PITPNC1: variants seen among roughly 807,000 people sequenced by gnomAD.
PITPNC1 encodes cytoplasmic phosphatidylinositol transfer protein 1.
Under a neutral mutation model 44.7 loss-of-function variants are expected in PITPNC1, and 18 were observed. That is an observed-to-expected ratio of 0.40 (90% CI 0.28 to 0.60). The LOEUF (loss-of-function observed/expected upper bound fraction) is 0.60. Ranked by LOEUF, PITPNC1 falls within the 20% of genes least tolerant of loss-of-function variation. PITPNC1 has a pLI of 0.39. For missense variants in PITPNC1, 290 were observed against 418.4 expected, an observed-to-expected ratio of 0.69 and a Z score of 2.68; for synonymous variants, 141 against 149.6, an observed-to-expected ratio of 0.94 and a Z score of 0.42.
rs114351610 is a variant in PITPNC1, at chr17:67,685,473, G to A, written c.683-7099G>A. Among the ~76,000 whole-genome samples the A allele has an allele frequency of 2.8e-3, 423 of 152,310 alleles. 3 individuals are homozygous for A. The highest frequency in any genetic ancestry group is 9.6e-3 in the African/African-American group (399 of 41,558). On this transcript the variant is annotated intron_variant, in intron 8 of 8. Transcript: ENST00000581322. ...TTTGGAAATGAAGAGGATCTCACAT[G>A]ACACATGGATTGATATAAAAAGACA...
intron 5 of PITPNC1, chr17:67,613,052 C>T (rs1475379633): frequency 6.6e-6 from 1 of 152,238 alleles, no homozygotes; most frequent in Non-Finnish European, 1.5e-5. Flanking sequence ...AAAAAATTAG[C>T]TGGGAGTGGT....
chr17:67,570,442 G>A (rs933707834), intron 4 of PITPNC1, among the ~76,000 whole-genome samples: 3 of 152,314 alleles, frequency 2.0e-5, no homozygotes, highest in South Asian at 4.1e-4. Context: ...AAGCCATCAG[G>A]TGTCCTGTGG....
At chr17:67,622,263 A>AG (rs1413276227) in intron 5 of PITPNC1, among the ~76,000 whole-genome samples, 4 of 151,204 alleles carry the variant, frequency 2.6e-5, no homozygotes, top group South Asian at 4.2e-4. Context: ...TCTCAAAAAA[A>AG]AAAAAAAAAA....
chr17:67,447,155 T>C (rs1197545897), intron 1 of PITPNC1, among the ~76,000 whole-genome samples: 1 of 148,506 alleles, frequency 6.7e-6, no homozygotes, highest in East Asian at 2.0e-4. Context: ...GTGTTTGGAC[T>C]TCCAAGCTAA....
At chr17:67,563,496 A>G (rs2040932979) in intron 4 of PITPNC1, among the ~76,000 whole-genome samples, 1 of 152,190 alleles carries the variant, frequency 6.6e-6, no homozygotes, top group Admixed American at 6.5e-5. Context: ...GACATGGAAG[A>G]ATTTGGGCTG....
chr17:67,633,599 A>C (rs1404283546), intron 6 of PITPNC1, among the ~76,000 whole-genome samples: 3 of 152,336 alleles, frequency 2.0e-5, no homozygotes, highest in Admixed American at 6.5e-5. Flanking sequence ...AACCACACCT[A>C]TGCATTTTAA....
chr17:67,422,281 G>A (rs2038681864), intron 1 of PITPNC1, among the ~76,000 whole-genome samples: 1 of 152,224 alleles, frequency 6.6e-6, no homozygotes, highest in Non-Finnish European at 1.5e-5. Context: ...AGTTGGAGGT[G>A]AGTGGCATAT....
chr17:67,515,020 A>C (rs1179080231), intron 1 of PITPNC1, among the ~76,000 whole-genome samples: 1 of 152,182 alleles, frequency 6.6e-6, no homozygotes, highest in Non-Finnish European at 1.5e-5. Context: ...CTCCCAACTG[A>C]AAACTCATTG....
intron 1 of PITPNC1, among the ~76,000 whole-genome samples, chr17:67,437,207 A>C (rs2038950424): frequency 6.6e-6 from 1 of 152,076 alleles, no homozygotes; most frequent in Non-Finnish European, 1.5e-5. Context: ...GGTGTGAGCC[A>C]CTGCACCTAG....
At chr17:67,630,044 G>T (rs777582966) in intron 5 of PITPNC1, among the ~76,000 whole-genome samples, 2 of 152,194 alleles carry the variant, frequency 1.3e-5, no homozygotes, top group Non-Finnish European at 2.9e-5. Flanking sequence ...ATTTAGAAAG[G>T]ACTAATCGTT....
intron 5 of PITPNC1, among the ~76,000 whole-genome samples, chr17:67,592,138 T>C (rs937871334): frequency 4.6e-5 from 7 of 152,182 alleles, no homozygotes; most frequent in African/African-American, 1.7e-4. Context: ...ATTTACAAAT[T>C]ATCTTAAATA....
At chr17:67,675,195 T>C (rs2042580879) in intron 7 of PITPNC1, among the ~76,000 whole-genome samples, 2 of 152,296 alleles carry the variant, frequency 1.3e-5, no homozygotes, top group Admixed American at 6.5e-5. Context: ...GTATCACTGC[T>C]GTGTGACTGT....
intron 5 of PITPNC1, among the ~76,000 whole-genome samples, chr17:67,610,532 A>G (rs187677345): frequency 6.6e-6 from 1 of 152,244 alleles, no homozygotes; most frequent in South Asian, 2.1e-4. Flanking sequence ...GTGCCGGCAC[A>G]CATCAGCATT....
intron 1 of PITPNC1, among the ~76,000 whole-genome samples, chr17:67,381,730 G>A (rs1451441290): frequency 6.6e-6 from 1 of 152,104 alleles, no homozygotes; most frequent in Non-Finnish European, 1.5e-5. Context: ...CCTCCCAAAG[G>A]CGTGAGCCAC....
rs2042834409 is a variant in PITPNC1, at chr17:67,687,274, A to ACCTTCCATAGAAACATGTCGTCAC, written c.683-5295_683-5272dup. 4 of 725,512 alleles carry ACCTTCCATAGAAACATGTCGTCAC rather than the reference A, an allele frequency of 5.5e-6. No individual in the cohort carries two copies. The East Asian group carries it at 7.6e-5, about 14-fold the overall frequency. The allele number at this position is 725,512 out of a possible 1,614,324, so 44.9% of individuals were successfully genotyped here. A position where few individuals can be genotyped will look rare whatever the true frequency, so the allele number is the denominator to read the frequency against. ...AAATACTGCAGATGCCCGGTTCGCAACCTTCCATAGAAACATGTCGTCACC... is the reference window on the plus strand; with the variant it reads ...AAATACTGCAGATGCCCGGTTCGCAACCTTCCATAGAAACATGTCGTCACCCTTCCATAGAAACATGTCGTCACC... On this transcript the variant is annotated intron_variant, in intron 8 of 8. Transcript: ENST00000581322.
intron 1 of PITPNC1, among the ~76,000 whole-genome samples, chr17:67,484,163 C>G (rs2144032485): frequency 6.6e-6 from 1 of 152,246 alleles, no homozygotes; most frequent in South Asian, 2.1e-4. Flanking sequence ...GATGATCCGC[C>G]TGCCTTGGCC....
intron 6 of PITPNC1, among the ~76,000 whole-genome samples, chr17:67,660,481 TC>T (rs2042327104): frequency 1.3e-5 from 2 of 151,966 alleles, no homozygotes; most frequent in Admixed American, 1.3e-4. Flanking sequence ...CCTATATTAG[TC>T]TTTTTCATGT....
At chr17:67,567,697 G>A (rs542366295) in intron 4 of PITPNC1, among the ~76,000 whole-genome samples, 8 of 151,162 alleles carry the variant, frequency 5.3e-5, no homozygotes, top group Admixed American at 1.3e-4. Context: ...AAACATGGCC[G>A]GGCGCAGTGG....
At chr17:67,602,332 G>A (rs369902974) in intron 5 of PITPNC1, among the ~76,000 whole-genome samples, 200 of 152,302 alleles carry the variant, frequency 1.3e-3, no homozygotes, top group Non-Finnish European at 2.1e-3. Context: ...GAGAATACAG[G>A]TTGGGGTTGG....
Sources: allele counts gnomAD v4.1 joint callset (sites outside exome capture counted in the v4.1 genomes callset), GRCh38; gene constraint gnomAD v4.1.1; transcripts MANE v1.5; gene names NCBI Gene and HGNC (gene_info 2026-07-23, HGNC 2026-07-21).